USP43: variants seen among roughly 807,000 people sequenced by gnomAD.
USP43 encodes ubiquitin carboxyl-terminal hydrolase 43.
In USP43, 33 loss-of-function variants were observed where a neutral mutation model predicts 90.7. The observed-to-expected ratio is 0.36, with a 90% confidence interval of 0.28 to 0.49. The LOEUF is 0.49. USP43 is among the 20% of genes least tolerant of loss of function. The pLI is 0.98. For synonymous variants in USP43, 598 were observed against 615.8 expected (o/e 0.97, Z 0.43); for missense variants, 1,274 against 1,476.4 (o/e 0.86, Z 2.25).
At chr17:9,719,478 G>T (rs1597894188) in intron 14 of USP43, among the ~76,000 whole-genome samples, 1 of 152,124 alleles carries the variant, frequency 6.6e-6, no homozygotes. Flanking sequence ...AAACCCTTGG[G>T]AGAGGTGACC....
intron 2 of USP43, among the ~76,000 whole-genome samples, chr17:9,660,682 C>A (rs750563601): frequency 6.6e-6 from 1 of 152,176 alleles, no homozygotes. Context: ...CTCTGCCCCT[C>A]GCTCCCTGGC....
At chr17:9,724,657 G>A (rs76086517) in intron 14 of USP43, among the ~76,000 whole-genome samples, 6,648 of 152,266 alleles carry the variant, frequency 0.044, 250 homozygotes, top group East Asian at 0.22. Flanking sequence ...TGCAGCCTGG[G>A]GGACAAGAGC....
At chr17:9,676,647 C>T (rs1182816326) in intron 4 of USP43, 99 bp from the exon 5 acceptor site, 1 of 1,428,122 alleles carries the variant, frequency 7.0e-7, no homozygotes, top group Admixed American at 2.4e-5. Context: ...GCTAGGATTA[C>T]AGGTGTGAGC....
chr17:9,713,706 C>A (rs1175841425), intron 14 of USP43, among the ~76,000 whole-genome samples: 1 of 152,090 alleles, frequency 6.6e-6, no homozygotes, highest in African/African-American at 2.4e-5. Context: ...GAAGCTGGAG[C>A]TGCTAAGATT....
Position 9,666,719 on chromosome 17 carries a change from C to T in USP43, c.708C>T (p.Ser236=). 1.9e-6 allele frequency: 3 copies of T among 1,613,306 alleles called. No homozygotes were observed. Among genetic ancestry groups the T allele is most frequent in the Non-Finnish European group, 2.5e-6 (3 of 1,179,694 alleles). The part of the protein sequence containing the change: ...SPSAQLPLGQ[S]FVQSHFQAQY... ...CAGCTCAGCTTCCTCTAGGTCAAAGCTTTGTGCAAAGCCACTTTCAAGCAC... is the reference window on the plus strand; with the variant it reads ...CAGCTCAGCTTCCTCTAGGTCAAAGTTTTGTGCAAAGCCACTTTCAAGCAC... Residue 236 remains serine (S), a synonymous_variant, in exon 3 of 15, where the codon AGC becomes AGT. Coordinates refer to ENST00000285199, the MANE Select transcript of USP43 (RefSeq NM_153210.5).
intron 14 of USP43, among the ~76,000 whole-genome samples, chr17:9,725,406 G>T (rs1917210202): frequency 6.6e-6 from 1 of 152,118 alleles, no homozygotes; most frequent in African/African-American, 2.4e-5. Context: ...CATCCCAGAA[G>T]TTTTGCCCAT....
At chr17:9,703,673 C>G (rs944269747) in intron 12 of USP43, among the ~76,000 whole-genome samples, 4 of 152,314 alleles carry the variant, frequency 2.6e-5, no homozygotes, top group African/African-American at 9.6e-5. Context: ...GCCAACACAG[C>G]CCTGGGTAAG....
chr17:9,689,667 G>T (rs1914811510), intron 8 of USP43, among the ~76,000 whole-genome samples: 1 of 152,092 alleles, frequency 6.6e-6, no homozygotes, highest in South Asian at 2.1e-4. Flanking sequence ...TCCCACATTG[G>T]CCTCCCGAAG....
At chr17:9,699,305 G>A (rs1407433892) in intron 9 of USP43, among the ~76,000 whole-genome samples, 1 of 140,428 alleles carries the variant, frequency 7.1e-6, no homozygotes, top group Non-Finnish European at 1.5e-5. Flanking sequence ...ATGCATCAGG[G>A]CTCCCTGGGC....
At chr17:9,681,462 TTATATATATATATATATA>T (rs1184883523) in intron 6 of USP43, among the ~76,000 whole-genome samples, 47 of 18,582 alleles carry the variant, frequency 2.5e-3, no homozygotes, top group South Asian at 8.8e-3. Context: ...ATAAAATATA[TTATATATATATATATATA>T]TATATATATA....
intron 14 of USP43, among the ~76,000 whole-genome samples, chr17:9,727,503 A>AC (rs796823816): frequency 4.8e-4 from 70 of 147,140 alleles, no homozygotes; most frequent in African/African-American, 1.7e-3. Context: ...TTTTAATTCC[A>AC]TTTTTTTTTT....
intron 4 of USP43, among the ~76,000 whole-genome samples, chr17:9,676,537 T>A (rs2151973271): frequency 6.6e-6 from 1 of 152,204 alleles, no homozygotes; most frequent in South Asian, 2.1e-4. Context: ...ACTCAGCTAA[T>A]TTTTTTGTAC....
At position 9,701,497 on chromosome 17, in the gene USP43, C is replaced by G. The variant is rs1567672968; in HGVS notation, c.1808C>G (p.Ser603Cys). 11 of 1,571,232 alleles carry G rather than the reference C, an allele frequency of 7.0e-6. No homozygotes were observed. The highest frequency in any genetic ancestry group is 8.6e-6 in the Non-Finnish European group (10 of 1,158,192). ...GTGGGCGAGAGAAGAAACAAGCTCT[C>G]CACGCTGGTGAAGTTTCCGCTCTCT... ...CQVGERRNKLSTLVKFPLSGL... is the reference protein window; with the variant it reads ...CQVGERRNKLCTLVKFPLSGL... The change falls in exon 12 of 15, where the codon TCC becomes TGC. Residue 603 changes from serine (S) to cysteine (C), a missense_variant. Physicochemically the swap from Ser to Cys is moderately radical, Grantham distance 112 (BLOSUM62 -1). This residue lies in a region of USP43 where 285 missense variants were observed against 349.6 expected (regional missense o/e 0.82). Coordinates refer to ENST00000285199, the MANE Select transcript of USP43 (RefSeq NM_153210.5). The surrounding 1 kb of genome is among the most constrained non-coding windows in gnomAD (Gnocchi z 7.2).
At chr17:9,710,699 G>A (rs1916142092) in intron 13 of USP43, among the ~76,000 whole-genome samples, 1 of 151,690 alleles carries the variant, frequency 6.6e-6, no homozygotes, top group African/African-American at 2.4e-5. Flanking sequence ...GCAGAGACGG[G>A]GTTTCACCAT....
rs11867472 is a variant in USP43, at chr17:9,701,366, C to T, written c.1677C>T (p.Asp559=). The part of the protein sequence containing the change: ...YTKEEQLAQD[D]AWKCPHCQVL... ...TTGCTTTCCAGCTGGCCCAGGATGA[C>T]GCCTGGAAGTGTCCTCACTGCCAAG... The change falls in exon 12 of 15, where the codon GAC becomes GAT. Residue 559 remains aspartate (D), a synonymous_variant. Coordinates refer to ENST00000285199, the MANE Select transcript of USP43 (RefSeq NM_153210.5). This position sits in a 1 kb window ranked among gnomAD's most constrained non-coding sequence, Gnocchi z 7.2. The T allele has an allele frequency of 1.9e-3, 3,038 of 1,597,650 alleles. 45 individuals are homozygous for T. In the African/African-American group the frequency reaches 0.032, roughly 17 times the overall value.
intron 14 of USP43, among the ~76,000 whole-genome samples, chr17:9,718,157 C>T (rs939131542): frequency 6.6e-6 from 1 of 151,958 alleles, no homozygotes; most frequent in African/African-American, 2.4e-5. Context: ...AGAAGTTTGG[C>T]GATGCTTTTG....
At chr17:9,715,815 GTC>G (rs1197258477) in intron 14 of USP43, among the ~76,000 whole-genome samples, 25 of 151,046 alleles carry the variant, frequency 1.7e-4, no homozygotes, top group Admixed American at 1.7e-3. Context: ...GTATCTGTGT[GTC>G]TCTGTGTGTC....
At chr17:9,696,276 G>A (rs1915259005) in intron 9 of USP43, among the ~76,000 whole-genome samples, 2 of 152,130 alleles carry the variant, frequency 1.3e-5, no homozygotes, top group Admixed American at 6.5e-5. Context: ...TGGGACTACA[G>A]GTGCACACTG....
At chr17:9,715,076 A>G (rs545535574) in intron 14 of USP43, among the ~76,000 whole-genome samples, 1 of 152,304 alleles carries the variant, frequency 6.6e-6, no homozygotes, top group Non-Finnish European at 1.5e-5. Context: ...GTTGACAGCT[A>G]AGTAGGAGAT....
Sources: allele counts gnomAD v4.1 joint callset (sites outside exome capture counted in the v4.1 genomes callset), GRCh38; gene constraint gnomAD v4.1.1; regional missense constraint gnomAD v4.1.1; non-coding constraint Gnocchi (gnomAD v3.1); transcripts MANE v1.5; gene names NCBI Gene and HGNC (gene_info 2026-07-23, HGNC 2026-07-21).